The following SLC14A2 variants were observed in gnomAD, a reference collection of about 807,000 sequenced individuals.
The protein encoded by SLC14A2 is solute carrier family 14 member 2.
SLC14A2 carries 91 observed loss-of-function variants against 104.6 expected under a neutral mutation model. That is an observed-to-expected ratio of 0.87 (90% CI 0.73 to 1.04). The LOEUF (loss-of-function observed/expected upper bound fraction) is 1.04, where lower values mean the gene tolerates loss of function less well. Among genes scored for constraint, SLC14A2 ranks in the 50% least tolerant of loss-of-function variants. The pLI, the probability that SLC14A2 is intolerant of heterozygous loss-of-function variation, is 0.00. For missense variants in SLC14A2, 1,189 were observed against 1,156.0 expected (o/e 1.03, Z -0.41); for synonymous variants, 476 against 466.4 (o/e 1.02, Z -0.27).
chr18:45,402,575 C>A (rs2086108579), intron 1 of SLC14A2, among the ~76,000 whole-genome samples: 1 of 152,164 alleles, frequency 6.6e-6, no homozygotes, highest in South Asian at 2.1e-4. Flanking sequence ...TAGATCTTGT[C>A]AACATTGAAA....
chr18:45,583,688 A>C (rs984407498), intron 2 of SLC14A2, among the ~76,000 whole-genome samples: 5 of 152,192 alleles, frequency 3.3e-5, no homozygotes, highest in Non-Finnish European at 7.4e-5. Context: ...AACATATAGA[A>C]TAGCAATGAC....
chr18:45,202,235 G>A, the SLC14A2 span, among the ~76,000 whole-genome samples: 1 of 152,094 alleles, frequency 6.6e-6, no homozygotes, highest in African/African-American at 2.4e-5. Flanking sequence ...TATAGATATA[G>A]CAAAAGCCCA....
chr18:45,458,206 TG>T (rs1327126120), intron 1 of SLC14A2, among the ~76,000 whole-genome samples: 1 of 152,108 alleles, frequency 6.6e-6, no homozygotes, highest in Non-Finnish European at 1.5e-5. Context: ...CAACAAAAGC[TG>T]GGCAGCACAA....
chr18:45,312,383 G>GA (rs11314315), intron 1 of SLC14A2, among the ~76,000 whole-genome samples: 197 of 145,636 alleles, frequency 1.4e-3, no homozygotes, highest in East Asian at 6.0e-3. Context: ...CTTCAGACTA[G>GA]AAAAAAAAAA....
upstream of SLC14A2, among the ~76,000 whole-genome samples, chr18:45,610,846 A>G (rs2044960679): frequency 6.6e-6 from 1 of 152,232 alleles, no homozygotes; most frequent in South Asian, 2.1e-4. Flanking sequence ...AGGTGGCAGC[A>G]TCACCACCTA....
At chr18:45,473,803 A>G (rs1475692572) in intron 1 of SLC14A2, among the ~76,000 whole-genome samples, 1 of 152,218 alleles carries the variant, frequency 6.6e-6, no homozygotes. Context: ...TTTTCTAAAT[A>G]TACAATCATG....
intron 1 of SLC14A2, among the ~76,000 whole-genome samples, chr18:45,373,088 A>G (rs1022853810): frequency 6.6e-6 from 1 of 152,142 alleles, no homozygotes; most frequent in Non-Finnish European, 1.5e-5. Flanking sequence ...GATGGAGTCT[A>G]TTTCATTTTG....
intron 1 of SLC14A2, among the ~76,000 whole-genome samples, chr18:45,338,880 T>C (rs975211948): frequency 2.6e-5 from 4 of 151,788 alleles, no homozygotes; most frequent in African/African-American, 9.7e-5. Context: ...ATTGGGTTCC[T>C]AACCCCAGGG....
At chr18:45,210,929 T>C (rs2083956261), upstream of SLC14A2, among the ~76,000 whole-genome samples, 4 of 152,192 alleles carry the variant, frequency 2.6e-5, no homozygotes. Flanking sequence ...AAATATTCTC[T>C]AACACAAATG....
chr18:45,454,687 G>A (rs1393683635), intron 1 of SLC14A2, among the ~76,000 whole-genome samples: 1 of 152,186 alleles, frequency 6.6e-6, no homozygotes, highest in East Asian at 1.9e-4. Flanking sequence ...TGTATAAGGT[G>A]TACGGAAGGG....
At chr18:45,659,576 T>C (rs901923824) in intron 10 of SLC14A2, among the ~76,000 whole-genome samples, 5 of 152,242 alleles carry the variant, frequency 3.3e-5, no homozygotes, top group African/African-American at 9.6e-5. Flanking sequence ...TAGTTGATCA[T>C]AAATGACCAA....
intron 15 of SLC14A2, 129 bp from the exon 16 acceptor site, chr18:45,669,177 G>A: frequency 2.7e-6 from 2 of 745,460 alleles, no homozygotes; most frequent in Middle Eastern, 4.0e-4. Context: ...CTCAGGGCCA[G>A]TCAGGCTCCA....
intron 1 of SLC14A2, among the ~76,000 whole-genome samples, chr18:45,280,098 G>A (rs2084746479): frequency 6.6e-6 from 1 of 152,182 alleles, no homozygotes; most frequent in East Asian, 1.9e-4. Context: ...GCTGCGTACT[G>A]TTCACTCCTC....
At chr18:45,556,079 C>T (rs1006891363) in intron 2 of SLC14A2, among the ~76,000 whole-genome samples, 3 of 152,112 alleles carry the variant, frequency 2.0e-5, no homozygotes, top group African/African-American at 7.2e-5. Flanking sequence ...TAGTGAGGGC[C>T]CTCTTCTGGG....
At chr18:45,507,766 T>A (rs989432588) in intron 2 of SLC14A2, among the ~76,000 whole-genome samples, 1 of 152,168 alleles carries the variant, frequency 6.6e-6, no homozygotes, top group Admixed American at 6.5e-5. Flanking sequence ...AATTGGCCAG[T>A]TGACAAGAAT....
At chr18:45,649,552 CTCT>C (rs1203390151) in intron 10 of SLC14A2, among the ~76,000 whole-genome samples, 2 of 152,210 alleles carry the variant, frequency 1.3e-5, no homozygotes, top group Non-Finnish European at 2.9e-5. Flanking sequence ...ACACTTTCCT[CTCT>C]TCTTCTTCCC....
At chr18:45,322,703 C>A (rs1291749261) in intron 1 of SLC14A2, among the ~76,000 whole-genome samples, 1 of 152,198 alleles carries the variant, frequency 6.6e-6, no homozygotes, top group Non-Finnish European at 1.5e-5. Flanking sequence ...CCATTCCTCT[C>A]CTAATATGGA....
chr18:45,427,994 C>A (rs1405187815), intron 1 of SLC14A2, among the ~76,000 whole-genome samples: 7 of 152,176 alleles, frequency 4.6e-5, no homozygotes, highest in African/African-American at 1.4e-4. Flanking sequence ...AGAGCATTGA[C>A]AAATACACAA....
At chr18:45,408,140 G>A (rs763552030) in intron 1 of SLC14A2, among the ~76,000 whole-genome samples, 20 of 152,154 alleles carry the variant, frequency 1.3e-4, no homozygotes, top group Admixed American at 1.3e-3. Context: ...TGGAAATCGG[G>A]CCGCCTTTCT....
Sources: gnomAD v4.1 joint callset for allele counts (sites outside exome capture counted in the v4.1 genomes callset) on GRCh38, gnomAD v4.1.1 for gene constraint, MANE v1.5 for transcripts, NCBI Gene and HGNC (gene_info 2026-07-23, HGNC 2026-07-21) for gene names.